The following AP2B1 variants were observed in gnomAD, a reference collection of about 807,000 sequenced individuals.
AP2B1 encodes the protein AP-2 complex subunit beta.
A neutral mutation model predicts 102.0 loss-of-function variants in AP2B1; 23 were observed. The observed-to-expected ratio is 0.23, with a 90% CI of 0.16 to 0.32. The LOEUF (loss-of-function observed/expected upper bound fraction) is 0.32. AP2B1 is among the 10% of genes least tolerant of loss of function. The probability of loss-of-function intolerance (pLI) is 1.00; values close to 1 mark genes in which losing one functional copy is unlikely to be tolerated. For missense variants in AP2B1, 541 were observed against 1,157.4 expected (o/e 0.47, Z 7.73); for synonymous variants, 381 against 421.2 (o/e 0.90, Z 1.17).
At chr17:35,647,015 A>G (rs981309288) in intron 12 of AP2B1, among the ~76,000 whole-genome samples, 15 of 152,224 alleles carry the variant, frequency 9.9e-5, no homozygotes, top group Non-Finnish European at 2.2e-4. Context: ...TTATTAAACT[A>G]TGTATTATAA....
intron 5 of AP2B1, among the ~76,000 whole-genome samples, chr17:35,609,663 T>C (rs2073798429): frequency 6.6e-6 from 1 of 152,018 alleles, no homozygotes; most frequent in African/African-American, 2.4e-5. Context: ...TTTATGGAGA[T>C]GGGGTCTTGC....
intron 10 of AP2B1, 89 bp downstream of exon 10, chr17:35,636,545 T>C (rs947469541): frequency 1.1e-6 from 1 of 950,310 alleles, no homozygotes; most frequent in Non-Finnish European, 1.6e-6. Flanking sequence ...AATTACTCTT[T>C]TGAATGTTCC....
In AP2B1 at chr17:35,720,573, ATTTTTT is replaced by A. The variant is rs1208973388; in HGVS notation, c.2782-3030_2782-3025del. 7.6e-3 allele frequency among the ~76,000 whole-genome samples: 213 copies of A among 27,960 alleles called. 1 individual carries two copies. The highest frequency in any genetic ancestry group is 0.015 in the Admixed American group (24 of 1,652). The allele number at this position is 27,960 out of a possible 152,430, so 18.3% of individuals were successfully genotyped here. ...TATATATATATATATATATATATAT[ATTTTTT>A]TTTTTTTTTTTTTTTTTTTTTAATA... is the stretch of plus-strand genomic sequence containing the variant. On this transcript the variant is annotated intron_variant, in intron 21 of 21. Transcript: ENST00000610402.
At chr17:35,655,006 T>A (rs1016048112) in intron 13 of AP2B1, among the ~76,000 whole-genome samples, 1 of 152,158 alleles carries the variant, frequency 6.6e-6, no homozygotes, top group Non-Finnish European at 1.5e-5. Flanking sequence ...TTTTACTGTT[T>A]GTAATCTTTC....
rs202152144 is a variant in AP2B1 at position 35,655,215 on chromosome 17, C to T, written c.1797-2384C>T. Among the ~76,000 whole-genome samples, 16 of 152,200 alleles carry T rather than the reference C, an allele frequency of 1.1e-4. No homozygotes were observed. The East Asian group carries it at 2.5e-3, about 24-fold the overall frequency. ...CCAATCTGTTAGTAATAGATTAGCT[C>T]GCTAATCTTAGCATTTAGTGCTCAA... On this transcript the variant is annotated intron_variant, in intron 13 of 21. Coordinates refer to ENST00000610402, the MANE Select transcript of AP2B1 (RefSeq NM_001030006.2).
At chr17:35,594,569 A>G (rs1269456765) in intron 2 of AP2B1, among the ~76,000 whole-genome samples, 2 of 152,186 alleles carry the variant, frequency 1.3e-5, no homozygotes, top group African/African-American at 4.8e-5. Flanking sequence ...AATACATATG[A>G]TTTAAAATTT....
intron 12 of AP2B1, among the ~76,000 whole-genome samples, chr17:35,649,361 C>T (rs1051324794): frequency 6.6e-6 from 1 of 152,074 alleles, no homozygotes; most frequent in Non-Finnish European, 1.5e-5. Flanking sequence ...CTCCGCCTCC[C>T]GGGTTCGAGT....
At chr17:35,592,879 G>A (rs969288094) in intron 1 of AP2B1, among the ~76,000 whole-genome samples, 1 of 152,118 alleles carries the variant, frequency 6.6e-6, no homozygotes, top group African/African-American at 2.4e-5. Flanking sequence ...TGGTACATTG[G>A]ACAAAGTCTT....
chr17:35,649,476 G>A (rs2075030587), intron 12 of AP2B1, among the ~76,000 whole-genome samples: 1 of 152,104 alleles, frequency 6.6e-6, no homozygotes, highest in African/African-American at 2.4e-5. Context: ...CACTGTGTTA[G>A]CCAGGATGGT....
At chr17:35,706,918 C>G (rs1431766608) in intron 18 of AP2B1, among the ~76,000 whole-genome samples, 2 of 152,108 alleles carry the variant, frequency 1.3e-5, no homozygotes, top group Non-Finnish European at 2.9e-5. Context: ...TCCCAAAGTG[C>G]TGGGCTTACA....
At chr17:35,717,111 A>G (rs2076564972) in intron 20 of AP2B1, 84 bp from the exon 21 acceptor site, 2 of 1,466,620 alleles carry the variant, frequency 1.4e-6, no homozygotes, top group South Asian at 2.5e-5. Flanking sequence ...CTGAACACAC[A>G]TGGCTCATAA....
intron 17 of AP2B1, among the ~76,000 whole-genome samples, chr17:35,676,418 A>G (rs1184756984): frequency 1.3e-5 from 2 of 152,176 alleles, no homozygotes; most frequent in South Asian, 2.1e-4. Context: ...TTCTATTAGC[A>G]TAATGCTTTT....
chr17:35,597,296 G>GT (rs1032803472), intron 2 of AP2B1, among the ~76,000 whole-genome samples: 8 of 151,886 alleles, frequency 5.3e-5, no homozygotes, highest in African/African-American at 1.5e-4. Flanking sequence ...TGGACTTAGT[G>GT]TTTTTTTTCC....
chr17:35,636,467 A>G lies in AP2B1; in HGVS notation c.1271+11A>G, dbSNP rs774658819. 12 of 1,589,788 alleles carry G rather than the reference A, an allele frequency of 7.5e-6. No individual in the cohort carries two copies. The highest frequency in any genetic ancestry group is 3.5e-6 in the Non-Finnish European group (4 of 1,158,172). On this transcript the variant is annotated intron_variant, in intron 10 of 21. Transcript: ENST00000610402. ...CAAATACCCCAACAAGTATGTCCAA[A>G]TACCTTTACCCCTCTTTCTCAAATT...
intron 14 of AP2B1, among the ~76,000 whole-genome samples, chr17:35,664,159 A>G (rs2075413417): frequency 1.3e-5 from 2 of 152,202 alleles, no homozygotes; most frequent in South Asian, 4.1e-4. Flanking sequence ...CAGTTAAATG[A>G]TGTGCAGGCA....
chr17:35,720,312 C>T (rs2085319198), intron 21 of AP2B1, among the ~76,000 whole-genome samples: 1 of 151,710 alleles, frequency 6.6e-6, no homozygotes, highest in Non-Finnish European at 1.5e-5. Context: ...CATAAACTCC[C>T]CTGCCACATA....
At chr17:35,688,116 C>A (rs1312268943) in intron 18 of AP2B1, among the ~76,000 whole-genome samples, 2 of 152,192 alleles carry the variant, frequency 1.3e-5, no homozygotes, top group Non-Finnish European at 2.9e-5. Context: ...TTCATCTTAA[C>A]CCTGGAGATT....
At chr17:35,654,893 A>G (rs12150480) in intron 13 of AP2B1, among the ~76,000 whole-genome samples, 16,183 of 151,966 alleles carry the variant, frequency 0.11, 1,040 homozygotes, top group Non-Finnish European at 0.15. Context: ...TCAGGATACC[A>G]CGGCCGTTGA....
intron 5 of AP2B1, among the ~76,000 whole-genome samples, chr17:35,609,748 G>A (rs2073801285): frequency 6.6e-6 from 1 of 152,104 alleles, no homozygotes; most frequent in African/African-American, 2.4e-5. Flanking sequence ...GTGAATTACT[G>A]TGCTTGGCCT....
Sources: gnomAD v4.1 joint callset for allele counts (sites outside exome capture counted in the v4.1 genomes callset) on GRCh38, gnomAD v4.1.1 for gene constraint, MANE v1.5 for transcripts, NCBI Gene and HGNC (gene_info 2026-07-23, HGNC 2026-07-21) for gene names.